The following FBXO15 variants were observed in gnomAD, a reference collection of about 807,000 sequenced individuals.
FBXO15 encodes F-box protein 15.
In FBXO15, 30 loss-of-function variants were observed where a neutral mutation model predicts 49.5. The ratio of observed to expected loss-of-function variants is 0.61; its 90% confidence interval spans 0.45 to 0.82. FBXO15 has a LOEUF of 0.82. FBXO15 is among the 40% of genes least tolerant of loss of function. FBXO15 has a pLI of 0.00. For missense variants in FBXO15, 591 were observed against 631.5 expected (o/e 0.94, Z 0.69); for synonymous variants, 250 against 232.7 (o/e 1.07, Z -0.68).
Position 74,142,309 on chromosome 18 carries a change from T to G in FBXO15, c.117-1997A>C, listed in dbSNP as rs190127666. On this transcript the variant is annotated intron_variant, in intron 1 of 9. Transcript: ENST00000419743. ...ATTTTTGTACTTCTGTTAGAAATTT[T>G]GTTTAAACACAGATTTCCACAGGAG... is the stretch of plus-strand genomic sequence containing the variant. 9.2e-5 allele frequency among the ~76,000 whole-genome samples: 14 copies of G among 152,378 alleles called. 1 individual carries two copies. The highest frequency in any genetic ancestry group is 3.3e-4 in the Admixed American group (5 of 15,306).
At chr18:74,095,452 C>CT (rs1913233819) in intron 8 of FBXO15, among the ~76,000 whole-genome samples, 1 of 152,146 alleles carries the variant, frequency 6.6e-6, no homozygotes, top group Admixed American at 6.5e-5. Flanking sequence ...TTTCAACATT[C>CT]TTTTTTACCA....
Position 74,093,007 on chromosome 18 carries a change from G to A in FBXO15, c.1139-10956C>T, listed in dbSNP as rs538797962. Among the ~76,000 whole-genome samples the A allele has an allele frequency of 9.8e-5, 15 of 152,300 alleles. No individual in the cohort carries two copies. The South Asian group carries it at 3.1e-3, about 32-fold the overall frequency. ...CACCCACAGCTGTGTTGGCACAGGG[G>A]CAGGGTGCTGGCAGGCGCAGAGCTG... is the stretch of plus-strand genomic sequence containing the variant. On this transcript the variant is annotated intron_variant, in intron 8 of 9. Coordinates refer to ENST00000419743, the MANE Select transcript of FBXO15 (RefSeq NM_001142958.2).
At chr18:74,108,950 T>C (rs1315030774) in intron 8 of FBXO15, among the ~76,000 whole-genome samples, 1 of 152,110 alleles carries the variant, frequency 6.6e-6, no homozygotes, top group African/African-American at 2.4e-5. Context: ...CAATGAAGAA[T>C]TCTCTACCCT....
intron 7 of FBXO15, among the ~76,000 whole-genome samples, chr18:74,123,815 C>T (rs1244329376): frequency 6.6e-6 from 1 of 152,114 alleles, no homozygotes; most frequent in Non-Finnish European, 1.5e-5. Context: ...CTCTGCCCTC[C>T]GTGTTGTTCT....
chr18:74,105,444 A>G (rs923971762), intron 8 of FBXO15, among the ~76,000 whole-genome samples: 12 of 151,900 alleles, frequency 7.9e-5, no homozygotes, highest in Admixed American at 3.3e-4. Flanking sequence ...ATTATTTCCC[A>G]AAGGTTTTTT....
intron 8 of FBXO15, among the ~76,000 whole-genome samples, chr18:74,107,479 T>G (rs62097009): frequency 0.087 from 13,318 of 152,228 alleles, 824 homozygotes; most frequent in Admixed American, 0.2. Flanking sequence ...TTGTTAGATC[T>G]ATAAGAAAAG....
intron 9 of FBXO15, chr18:74,076,576 G>A (rs974081326): frequency 2.0e-5 from 3 of 152,074 alleles, no homozygotes; most frequent in Admixed American, 6.5e-5. Context: ...CCAGCTGATG[G>A]TGATATGTGA....
intron 8 of FBXO15, among the ~76,000 whole-genome samples, chr18:74,108,172 T>C (rs1238056219): frequency 6.6e-6 from 1 of 151,842 alleles, no homozygotes; most frequent in African/African-American, 2.4e-5. Context: ...AAACACACAG[T>C]ATGAAGAGAC....
chr18:74,119,676 A>G (rs1166649227), intron 8 of FBXO15, among the ~76,000 whole-genome samples: 2 of 152,178 alleles, frequency 1.3e-5, no homozygotes, highest in African/African-American at 4.8e-5. Context: ...CAAGAATGTG[A>G]GGCCACAGAA....
chr18:74,086,556 G>A (rs1480322521), intron 8 of FBXO15, among the ~76,000 whole-genome samples: 1 of 152,130 alleles, frequency 6.6e-6, no homozygotes, highest in Non-Finnish European at 1.5e-5. Flanking sequence ...GACTACAGGC[G>A]CCCGCCACCA....
At chr18:74,093,408 C>T (rs1168298855) in intron 8 of FBXO15, among the ~76,000 whole-genome samples, 1 of 152,086 alleles carries the variant, frequency 6.6e-6, no homozygotes, top group African/African-American at 2.4e-5. Flanking sequence ...TCTGCCAGTG[C>T]AGGAGCTATG....
chr18:74,112,918 G>A (rs200902174), intron 8 of FBXO15, among the ~76,000 whole-genome samples: 37 of 152,276 alleles, frequency 2.4e-4, no homozygotes, highest in African/African-American at 8.7e-4. Context: ...AAAATTAAAC[G>A]TACTCGTACC....
chr18:74,110,436 T>A (rs1051154041), intron 8 of FBXO15, among the ~76,000 whole-genome samples: 1 of 151,668 alleles, frequency 6.6e-6, no homozygotes, highest in Non-Finnish European at 1.5e-5. Context: ...CAAAATGGAA[T>A]CATATAAAAT....
chr18:74,117,165 C>T lies in FBXO15; in HGVS notation c.1138+6203G>A, dbSNP rs150720291. On this transcript the variant is annotated intron_variant, in intron 8 of 9. Coordinates refer to ENST00000419743, the MANE Select transcript of FBXO15 (RefSeq NM_001142958.2). ...TGTTACAAAGACACTCTGATGGCAA[C>T]AGCACCCTCTGCTGACTCCTAGTAG... 5.6e-4 allele frequency among the ~76,000 whole-genome samples: 85 copies of T among 152,280 alleles called. 1 individual carries two copies. Among genetic ancestry groups the T allele is most frequent in the African/African-American group, 1.9e-3 (78 of 41,548 alleles).
Position 74,142,225 on chromosome 18 carries a change from A to G in FBXO15, c.117-1913T>C, listed in dbSNP as rs576568099. Among the ~76,000 whole-genome samples, 4 of 152,328 alleles carry G rather than the reference A, an allele frequency of 2.6e-5. No homozygotes were observed. The East Asian group carries it at 7.7e-4, about 29-fold the overall frequency. ...GGAGAAAGGACAGGAAGAAATGCTA[A>G]TTGGGACATTTTTGCAATACCCTCT... On this transcript the variant is annotated intron_variant, in intron 1 of 9. Coordinates refer to ENST00000419743, the MANE Select transcript of FBXO15 (RefSeq NM_001142958.2).
At chr18:74,099,815 A>C (rs1191579202) in intron 8 of FBXO15, 1 of 152,230 alleles carries the variant, frequency 6.6e-6, no homozygotes, top group African/African-American at 2.4e-5. Context: ...TTAAAAAGAC[A>C]AAGGGGGACA....
intron 8 of FBXO15, among the ~76,000 whole-genome samples, chr18:74,108,293 AT>A (rs1913858926): frequency 1.3e-5 from 2 of 152,154 alleles, no homozygotes; most frequent in Admixed American, 6.5e-5. Context: ...GATAAAAAAA[AT>A]TTTTTAAAAA....
chr18:74,147,768 A>T lies in FBXO15; in HGVS notation c.18T>A (p.Gly6=). The T allele has an allele frequency of 6.5e-7, 1 of 1,534,476 alleles. No homozygotes were observed. Among genetic ancestry groups the T allele is most frequent in the Non-Finnish European group, 8.8e-7 (1 of 1,142,236 alleles). The change falls in exon 1 of 10, where the codon GGT becomes GGA. Residue 6 remains glycine (G), a synonymous_variant. Transcript: ENST00000419743. The part of the protein sequence containing the change: MATGR[G]RILQQHWLGL... ...CGAGCCAGTGCTGCTGCAAGATCCG[A>T]CCGCGTCCAGTCGCCATAGAGACAA...
chr18:74,141,580 C>A lies in FBXO15; in HGVS notation c.117-1268G>T, dbSNP rs924177741. Among the ~76,000 whole-genome samples the A allele has an allele frequency of 5.3e-5, 8 of 152,150 alleles. No individual in the cohort carries two copies. The East Asian group carries it at 1.5e-3, about 29-fold the overall frequency. ...AAACAACATTCATAAAGGAGGGCAA[C>A]AATTGGGAGCAAAAAAAGAGATGCC... On this transcript the variant is annotated intron_variant, in intron 1 of 9. Transcript: ENST00000419743.
Sources: allele counts gnomAD v4.1 joint callset (sites outside exome capture counted in the v4.1 genomes callset), GRCh38; gene constraint gnomAD v4.1.1; transcripts MANE v1.5; gene names NCBI Gene and HGNC (gene_info 2026-07-23, HGNC 2026-07-21).